The following NEDD1 variants were observed in gnomAD, a reference collection of about 807,000 sequenced individuals.
NEDD1 encodes protein NEDD1.
Under a neutral mutation model 74.0 loss-of-function variants are expected in NEDD1, and 33 were observed. That is an observed-to-expected ratio of 0.45 (90% CI 0.34 to 0.60). The LOEUF (loss-of-function observed/expected upper bound fraction) is 0.60. NEDD1 is among the 20% of genes least tolerant of loss of function. The pLI is 0.01. For synonymous variants in NEDD1, 250 were observed against 264.4 expected, an observed-to-expected ratio of 0.95 and a Z score of 0.53; for missense variants, 746 against 776.5, an observed-to-expected ratio of 0.96 and a Z score of 0.47.
intron 6 of NEDD1, among the ~76,000 whole-genome samples, chr12:96,921,877 A>G (rs1331791067): frequency 6.6e-6 from 1 of 151,970 alleles, no homozygotes; most frequent in African/African-American, 2.4e-5. Context: ...CAGTCTCCCA[A>G]AGTGCTGGGA....
At chr12:96,935,525 A>G (rs1354443121) in intron 7 of NEDD1, among the ~76,000 whole-genome samples, 2 of 152,296 alleles carry the variant, frequency 1.3e-5, no homozygotes, top group African/African-American at 4.8e-5. Flanking sequence ...TTTAAAACTG[A>G]TTAATTATCT....
intron 6 of NEDD1, among the ~76,000 whole-genome samples, chr12:96,927,964 T>C (rs1481094576): frequency 6.6e-6 from 1 of 152,186 alleles, no homozygotes; most frequent in African/African-American, 2.4e-5. Context: ...TATATTTCTG[T>C]AGTATTGGTA....
chr12:96,934,890 G>T, intron 6 of NEDD1, 86 bp from the exon 7 acceptor site: 1 of 834,398 alleles, frequency 1.2e-6, no homozygotes, highest in Admixed American at 1.9e-5. Context: ...TGTGAATAGT[G>T]TGGTTGGCCA....
Position 96,943,589 on chromosome 12 carries a change from G to T in NEDD1, c.1324G>T (p.Val442Leu). Residue 442 changes from valine to leucine, a missense_variant, in exon 12 of 16, where the codon GTG becomes TTG. Val to Leu is a conservative substitution (Grantham distance 32). Coordinates refer to ENST00000266742, the MANE Select transcript of NEDD1 (RefSeq NM_152905.4). ...TGACTTTCTACCGCAGTTGAACTCA[G>T]TGTTTCCTCCAAGAAAAAATCCAGT... is the stretch of plus-strand genomic sequence containing the variant. ...GFDFLPQLNS[V>L]FPPRKNPVTS... 1 of 1,613,156 alleles carries T rather than the reference G, an allele frequency of 6.2e-7. No homozygotes were observed. The highest frequency in any genetic ancestry group is 8.5e-7 in the Non-Finnish European group (1 of 1,179,320).
chr12:96,950,787 C>T (rs945388970), intron 14 of NEDD1, among the ~76,000 whole-genome samples: 2 of 151,782 alleles, frequency 1.3e-5, no homozygotes, highest in African/African-American at 2.4e-5. Context: ...CAGGAAGCTT[C>T]TATTATTTGG....
rs779927730 is a variant in NEDD1, at chr12:96,940,496, G to A, written c.1205G>A (p.Gly402Glu). ...NQDFSSFDDT[G>E]KSSLGDMFSP... The stretch of plus-strand genomic sequence containing the variant: ...GATTTCTCCAGCTTTGATGATACTG[G>A]GAAAAGTAGTTTAGGTGACATGTTC... The change falls in exon 10 of 16, where the codon GGG becomes GAG. Residue 402 changes from glycine to glutamate, a missense_variant. Coordinates refer to ENST00000266742, the MANE Select transcript of NEDD1 (RefSeq NM_152905.4). 14 of 1,606,650 alleles carry A rather than the reference G, an allele frequency of 8.7e-6. No homozygotes were observed. Among genetic ancestry groups the A allele is most frequent in the Admixed American group, 6.7e-5 (4 of 59,810 alleles).
At chr12:96,910,921 G>T (rs1797697747) in intron 3 of NEDD1, among the ~76,000 whole-genome samples, 1 of 152,138 alleles carries the variant, frequency 6.6e-6, no homozygotes, top group African/African-American at 2.4e-5. Context: ...GCTTTAAAAT[G>T]TGACTGGTTC....
chr12:96,925,945 C>T (rs1164967497), intron 6 of NEDD1, among the ~76,000 whole-genome samples: 1 of 152,122 alleles, frequency 6.6e-6, no homozygotes, highest in Non-Finnish European at 1.5e-5. Context: ...AGCACCTTAG[C>T]TAGCTCAGTG....
intron 4 of NEDD1, among the ~76,000 whole-genome samples, chr12:96,914,556 G>A (rs1874247570): frequency 6.6e-6 from 1 of 152,100 alleles, no homozygotes. Flanking sequence ...GCTTTTACTA[G>A]TAATGTTTAC....
At chr12:96,926,926 G>A (rs569247802) in intron 6 of NEDD1, among the ~76,000 whole-genome samples, 6 of 151,942 alleles carry the variant, frequency 3.9e-5, no homozygotes, top group African/African-American at 1.2e-4. Flanking sequence ...GGTTGAGGCT[G>A]CAGTGAGCCA....
At chr12:96,916,574 AG>A (rs1565787582) in intron 4 of NEDD1, among the ~76,000 whole-genome samples, 1 of 146,522 alleles carries the variant, frequency 6.8e-6, no homozygotes, top group Non-Finnish European at 1.5e-5. Flanking sequence ...GTCCCTACAA[AG>A]GACATGAACT....
chr12:96,929,621 A>AT (rs1182293978), intron 6 of NEDD1, among the ~76,000 whole-genome samples: 16 of 136,062 alleles, frequency 1.2e-4, no homozygotes, highest in African/African-American at 4.1e-4. Context: ...ATATATATAT[A>AT]TATTTTTTTT....
intron 3 of NEDD1, among the ~76,000 whole-genome samples, chr12:96,910,107 T>A (rs1207857483): frequency 1.3e-5 from 2 of 152,180 alleles, no homozygotes; most frequent in East Asian, 1.9e-4. Context: ...TTAAAAAAAA[T>A]TTAGTTACAA....
chr12:96,936,410 C>T (rs187144325), intron 7 of NEDD1, among the ~76,000 whole-genome samples: 165 of 152,322 alleles, frequency 1.1e-3, no homozygotes, highest in Non-Finnish European at 1.4e-3. Context: ...GAATGTTTAG[C>T]AGTTCTCTAT....
At chr12:96,920,681 A>G (rs1006316056) in intron 6 of NEDD1, among the ~76,000 whole-genome samples, 1 of 152,236 alleles carries the variant, frequency 6.6e-6, no homozygotes. Flanking sequence ...AAAATGTTCA[A>G]AAGAATAAAT....
intron 6 of NEDD1, among the ~76,000 whole-genome samples, chr12:96,933,709 TTTG>T (rs775915864): frequency 1.3e-5 from 2 of 152,178 alleles, no homozygotes; most frequent in Non-Finnish European, 2.9e-5. Context: ...CTAGACATTT[TTTG>T]TTGTTGTTGA....
At chr12:96,936,507 T>C (rs1055522847) in intron 7 of NEDD1, 104 bp from the exon 8 acceptor site, 1 of 717,716 alleles carries the variant, frequency 1.4e-6, no homozygotes, top group African/African-American at 1.8e-5. Flanking sequence ...CTTTGACCAG[T>C]TTGAAGTGTT....
In NEDD1 at chr12:96,940,517, T is replaced by C. The variant is rs780875743; in HGVS notation, c.1226T>C (p.Met409Thr). ...ACTGGGAAAAGTAGTTTAGGTGACA[T>C]GTTCTCACCTATCAGAGATGGTAAG... ...DDTGKSSLGD[M>T]FSPIRDDAVV... Residue 409 changes from methionine (M) to threonine (T), a missense_variant, in exon 10 of 16, where the codon ATG becomes ACG. Transcript: ENST00000266742. 1.9e-6 allele frequency: 3 copies of C among 1,603,532 alleles called. No homozygotes were observed. The highest frequency in any genetic ancestry group is 2.7e-5 in the African/African-American group (2 of 74,652).
At chr12:96,942,078 A>G (rs1213037203) in intron 10 of NEDD1, among the ~76,000 whole-genome samples, 1 of 152,164 alleles carries the variant, frequency 6.6e-6, no homozygotes, top group Non-Finnish European at 1.5e-5. Context: ...ATAATCTTAT[A>G]CATATTCTAC....
Sources: gnomAD v4.1 joint callset for allele counts (sites outside exome capture counted in the v4.1 genomes callset) on GRCh38, gnomAD v4.1.1 for gene constraint, MANE v1.5 for transcripts, NCBI Gene and HGNC (gene_info 2026-07-23, HGNC 2026-07-21) for gene names.